ADAM2: variants seen among roughly 807,000 people sequenced by gnomAD.
ADAM2 encodes the protein ADAM metallopeptidase domain 2.
In ADAM2, 101 loss-of-function variants were observed where a neutral mutation model predicts 99.3. The observed-to-expected ratio is 1.02, with a 90% CI of 0.87 to 1.20. The LOEUF (loss-of-function observed/expected upper bound fraction) is 1.20. Ranked by LOEUF, ADAM2 falls within the 50% of genes most tolerant of loss-of-function variation. The pLI is 0.00. For missense variants in ADAM2, 948 were observed against 878.7 expected (o/e 1.08, Z -1.00); for synonymous variants, 323 against 287.6 (o/e 1.12, Z -1.25).
In ADAM2 at chr8:39,769,580, A is replaced by G; in HGVS notation, c.1029-5T>C. On this transcript the variant is annotated splice_polypyrimidine_tract_variant and splice_region_variant and intron_variant, in intron 11 of 20. Coordinates refer to ENST00000265708, the MANE Select transcript of ADAM2 (RefSeq NM_001464.5). ...ATCTTCACACCACTGAAATGACTAA[A>G]GACACATCAAACGTCAAATTTTAAT... 1 of 1,605,884 alleles carries G rather than the reference A, an allele frequency of 6.2e-7. No individual in the cohort carries two copies. The highest frequency in any genetic ancestry group is 8.5e-7 in the Non-Finnish European group (1 of 1,173,520).
chr8:39,838,159 G>C lies in ADAM2; in HGVS notation c.27C>G (p.Ser9Arg). The C allele has an allele frequency of 3.7e-6, 6 of 1,614,098 alleles. No homozygotes were observed. The highest frequency in any genetic ancestry group is 5.1e-6 in the Non-Finnish European group (6 of 1,180,008). MWRVLFLL[S>R]GLGGLRMDSN... ...TGTCCATCCGCAGCCCGCCGAGCCC[G>C]CTGAGCAGAAACAAGACGCGCCACA... The change falls in exon 1 of 21, where the codon AGC becomes AGG. Residue 9 changes from serine (S) to arginine (R), a missense_variant. Coordinates refer to ENST00000265708, the MANE Select transcript of ADAM2 (RefSeq NM_001464.5).
intron 5 of ADAM2, 26 bp downstream of exon 5, chr8:39,821,560 T>G (rs774757819): frequency 2.0e-6 from 3 of 1,467,896 alleles, no homozygotes; most frequent in Non-Finnish European, 2.8e-6. Flanking sequence ...TTTTATTTTG[T>G]AATTCATAAA....
In ADAM2 at chr8:39,755,836, A is replaced by C. The variant is rs779568772; in HGVS notation, c.1689T>G (p.Ile563Met). The change falls in exon 16 of 21, where the codon ATT (isoleucine) becomes ATG (methionine). Residue 563 changes from isoleucine to methionine, a missense_variant. Physicochemically the swap from Ile to Met is conservative, Grantham distance 10. Coordinates refer to ENST00000265708, the MANE Select transcript of ADAM2 (RefSeq NM_001464.5). Reference sequence around the variant, plus strand: ...AGAGATGTCCACTTATGTTGGCATAAATAATAGTGGCTCTTGGAATTTGTA... The same window carrying C: ...AGAGATGTCCACTTATGTTGGCATACATAATAGTGGCTCTTGGAATTTGTA... ...FLLQIPRATI[I>M]YANISGHLCI... is the part of the protein sequence containing the mutation. 1.1e-5 allele frequency: 18 copies of C among 1,607,092 alleles called. No individual in the cohort carries two copies. Among genetic ancestry groups the C allele is most frequent in the South Asian group, 8.8e-5 (8 of 90,742 alleles).
chr8:39,792,528 C>A (rs112822246), intron 7 of ADAM2, among the ~76,000 whole-genome samples: 2,164 of 152,068 alleles, frequency 0.014, 56 homozygotes, highest in African/African-American at 0.05. Flanking sequence ...TAGTCGAATT[C>A]CCTCCTCAAA....
intron 9 of ADAM2, among the ~76,000 whole-genome samples, chr8:39,787,641 G>A (rs1803526046): frequency 1.3e-5 from 2 of 150,980 alleles, no homozygotes; most frequent in South Asian, 4.2e-4. Flanking sequence ...AGAAAGGAAG[G>A]CTAATGTACT....
chr8:39,822,588 T>C (rs1397205952), intron 4 of ADAM2, among the ~76,000 whole-genome samples: 1 of 152,190 alleles, frequency 6.6e-6, no homozygotes, highest in East Asian at 1.9e-4. Flanking sequence ...ACTTGATATA[T>C]TTGCTGAATT....
At chr8:39,798,673 C>CT (rs1554526805) in intron 7 of ADAM2, among the ~76,000 whole-genome samples, 1 of 151,970 alleles carries the variant, frequency 6.6e-6, no homozygotes, top group African/African-American at 2.4e-5. Flanking sequence ...TGGTCCTGGG[C>CT]TTTTTTTGGT....
chr8:39,825,253 A>T (rs1281659978), intron 3 of ADAM2, among the ~76,000 whole-genome samples: 1 of 152,158 alleles, frequency 6.6e-6, no homozygotes, highest in Admixed American at 6.5e-5. Context: ...TATCTTGAAA[A>T]TTTTATTTAA....
intron 16 of ADAM2, among the ~76,000 whole-genome samples, chr8:39,755,232 G>C (rs1211540515): frequency 6.6e-6 from 1 of 152,134 alleles, no homozygotes; most frequent in Non-Finnish European, 1.5e-5. Context: ...CAATGAAAAA[G>C]TTACTAAATA....
At position 39,770,376 on chromosome 8, in the gene ADAM2, T is replaced by C. The variant is rs569182385; in HGVS notation, c.1029-801A>G. The stretch of plus-strand genomic sequence containing the variant: ...TCTGGCGTTATCACCTGAACTCAAG[T>C]CCAGAGTCTAATGCTTTATTCAGTG... On this transcript the variant is annotated intron_variant, in intron 11 of 20. Coordinates refer to ENST00000265708, the MANE Select transcript of ADAM2 (RefSeq NM_001464.5). 9.3e-4 allele frequency among the ~76,000 whole-genome samples: 141 copies of C among 152,320 alleles called. 1 individual carries two copies. The highest frequency in any genetic ancestry group is 1.1e-3 in the Non-Finnish European group (72 of 68,034).
At chr8:39,838,092 A>G in intron 1 of ADAM2, 39 bp downstream of exon 1, 2 of 1,608,702 alleles carry the variant, frequency 1.2e-6, no homozygotes, top group Non-Finnish European at 1.7e-6. Flanking sequence ...AGTAGCGCTG[A>G]GGGTCCCAAA....
At chr8:39,788,306 G>GAT (rs1288394277) in intron 8 of ADAM2, 55 bp from the exon 9 acceptor site, 7 of 1,153,156 alleles carry the variant, frequency 6.1e-6, no homozygotes, top group Non-Finnish European at 5.9e-6. Flanking sequence ...TTAAAAATTA[G>GAT]ATATATATGT....
chr8:39,802,785 C>G (rs184497604), intron 7 of ADAM2, among the ~76,000 whole-genome samples: 3 of 152,250 alleles, frequency 2.0e-5, no homozygotes, highest in Admixed American at 2.0e-4. Flanking sequence ...AAGCTCAGAT[C>G]TGAAAATATT....
intron 8 of ADAM2, 64 bp downstream of exon 8, chr8:39,788,605 A>T (rs2129585398): frequency 8.8e-7 from 1 of 1,136,532 alleles, no homozygotes; most frequent in Non-Finnish European, 1.3e-6. Context: ...TAGTGTCATA[A>T]TGAGGTGTAG....
In ADAM2 at chr8:39,822,468, C is replaced by T. The variant is rs139430819; in HGVS notation, c.268-806G>A. On this transcript the variant is annotated intron_variant, in intron 4 of 20. Transcript: ENST00000265708. The stretch of plus-strand genomic sequence containing the variant: ...CTTCACTTATTACCCAATATCCTTT[C>T]GCAGTTTATTTTTATCTTTTATTTT... Among the ~76,000 whole-genome samples, 126 of 147,740 alleles carry T rather than the reference C, an allele frequency of 8.5e-4. 1 individual carries two copies. The highest frequency in any genetic ancestry group is 6.9e-3 in the Middle Eastern group (2 of 290).
At position 39,761,269 on chromosome 8, in the gene ADAM2, C is replaced by G. The variant is rs1199803915; in HGVS notation, c.1520G>C (p.Gly507Ala). ...AAGGTGAGAATAACATTCTGAAGGG[C>G]CAAACTCTACTTCTGAAAATAAAAA... ...TDTFGKEVEF[G>A]PSECYSHLNS... Residue 507 changes from glycine to alanine, a missense_variant, in exon 15 of 21, where the codon GGC (glycine) becomes GCC (alanine). Gly to Ala is a moderately conservative substitution (Grantham distance 60). Transcript: ENST00000265708. 6.3e-7 allele frequency: 1 copy of G among 1,591,108 alleles called. No homozygotes were observed. The highest frequency in any genetic ancestry group is 8.6e-7 in the Non-Finnish European group (1 of 1,167,618).
At chr8:39,790,866 T>C (rs527499955) in intron 7 of ADAM2, among the ~76,000 whole-genome samples, 15 of 152,000 alleles carry the variant, frequency 9.9e-5, no homozygotes, top group Non-Finnish European at 1.0e-4. Flanking sequence ...TTAAATGTAA[T>C]ATTTTAATGT....
chr8:39,835,243 A>T (rs1049706203), intron 2 of ADAM2, among the ~76,000 whole-genome samples: 1 of 152,142 alleles, frequency 6.6e-6, no homozygotes, highest in Non-Finnish European at 1.5e-5. Flanking sequence ...TCTATGCTTA[A>T]GCTTCTAATT....
At chr8:39,748,960 T>C (rs2129582714) in intron 18 of ADAM2, among the ~76,000 whole-genome samples, 1 of 152,236 alleles carries the variant, frequency 6.6e-6, no homozygotes, top group East Asian at 1.9e-4. Context: ...TTATTGTCCC[T>C]ACAACCCTAA....
Sources: allele counts gnomAD v4.1 joint callset (sites outside exome capture counted in the v4.1 genomes callset), GRCh38; gene constraint gnomAD v4.1.1; transcripts MANE v1.5; gene names NCBI Gene and HGNC (gene_info 2026-07-23, HGNC 2026-07-21).